HECW1: variants seen among roughly 807,000 people sequenced by gnomAD.
HECW1 encodes HECT, C2 and WW domain containing E3 ubiquitin protein ligase 1, also known as E3 ubiquitin-protein ligase HECW1.
Under a neutral mutation model 182.3 loss-of-function variants are expected in HECW1, and 61 were observed. The observed-to-expected ratio is 0.33, with a 90% CI of 0.27 to 0.41. The LOEUF (loss-of-function observed/expected upper bound fraction) is 0.41. Ranked by LOEUF, HECW1 falls within the 10% of genes least tolerant of loss-of-function variation. The probability of loss-of-function intolerance (pLI) is 1.00; values close to 1 mark genes in which losing one functional copy is unlikely to be tolerated. For synonymous variants in HECW1, 859 were observed against 832.6 expected (o/e 1.03, Z -0.55); for missense variants, 1,739 against 2,108.9 (o/e 0.82, Z 3.44).
intron 17 of HECW1, among the ~76,000 whole-genome samples, chr7:43,489,549 C>A: frequency 6.6e-6 from 1 of 152,214 alleles, no homozygotes; most frequent in East Asian, 1.9e-4. Context: ...GAGCTGAGAT[C>A]TAATGACATC....
At chr7:43,367,617 A>G (rs1816809827) in intron 6 of HECW1, among the ~76,000 whole-genome samples, 1 of 152,238 alleles carries the variant, frequency 6.6e-6, no homozygotes, top group African/African-American at 2.4e-5. Flanking sequence ...AGAATTACAT[A>G]CATGATTTAT....
intron 2 of HECW1, among the ~76,000 whole-genome samples, chr7:43,192,911 A>C (rs1462395662): frequency 6.6e-6 from 1 of 152,218 alleles, no homozygotes; most frequent in African/African-American, 2.4e-5. Context: ...TTTTTAAGAA[A>C]GTAAAGTCAT....
At chr7:43,306,602 G>C (rs1442366787) in intron 3 of HECW1, among the ~76,000 whole-genome samples, 1 of 151,926 alleles carries the variant, frequency 6.6e-6, no homozygotes, top group East Asian at 1.9e-4. Flanking sequence ...TACAATTTTT[G>C]ATTCCTTGGT....
chr7:43,286,544 G>T (rs1173693488), intron 3 of HECW1, among the ~76,000 whole-genome samples: 3 of 152,178 alleles, frequency 2.0e-5, no homozygotes, highest in Non-Finnish European at 2.9e-5. Flanking sequence ...TTTAGTAAAA[G>T]TGCTGGCAAA....
chr7:43,483,906 A>G (rs1157885489), intron 17 of HECW1, among the ~76,000 whole-genome samples: 1 of 152,162 alleles, frequency 6.6e-6, no homozygotes. Flanking sequence ...GGGCTGTGGC[A>G]AAGAGCTATT....
chr7:43,444,534 T>C lies in HECW1; in HGVS notation c.1362T>C (p.Ser454=). The change falls in exon 11 of 30, where the codon AGT becomes AGC. Residue 454 remains serine, a synonymous_variant. Transcript: ENST00000395891. The surrounding 1 kb of genome is among the most constrained non-coding windows in gnomAD (Gnocchi z 4.3). ...AAAAGGACATCCAGCCTGCCCCCAG[T>C]GCAGAAGAGCTGGCCGAGCAGCTGG... ...QVQKDIQPAP[S]AEELAEQLDL... The C allele has an allele frequency of 1.2e-6, 2 of 1,611,348 alleles. No individual in the cohort carries two copies. The highest frequency in any genetic ancestry group is 8.5e-7 in the Non-Finnish European group (1 of 1,178,944).
rs2078985493 is a variant in HECW1, at chr7:43,492,947, G to A, written c.3341-137G>A. Reference sequence around the variant, plus strand: ...ATATTTTAAAAACTCTCAAGAGCTTGCATTTTTTTGATGAGTATGCTGCCT... The same window carrying A: ...ATATTTTAAAAACTCTCAAGAGCTTACATTTTTTTGATGAGTATGCTGCCT... On this transcript the variant is annotated intron_variant, in intron 18 of 29. Transcript: ENST00000395891. 10 of 554,282 alleles carry A rather than the reference G, an allele frequency of 1.8e-5. No homozygotes were observed. The South Asian group carries it at 2.4e-4, about 13-fold the overall frequency. 34.3% of individuals were successfully genotyped at this position (554,282 alleles called of 1,614,324 possible).
intron 4 of HECW1, among the ~76,000 whole-genome samples, chr7:43,316,394 G>C (rs921623618): frequency 1.3e-5 from 2 of 152,162 alleles, no homozygotes; most frequent in African/African-American, 4.8e-5. Context: ...ATTTGCAATA[G>C]AGGGCCCTAT....
At position 43,269,938 on chromosome 7, in the gene HECW1, A is replaced by G. The variant is rs561819327; in HGVS notation, c.27+26006A>G. Among the ~76,000 whole-genome samples, 16 of 152,342 alleles carry G rather than the reference A, an allele frequency of 1.1e-4. 1 individual carries two copies. Among genetic ancestry groups the G allele is most frequent in the African/African-American group, 3.8e-4 (16 of 41,584 alleles). On this transcript the variant is annotated intron_variant, in intron 3 of 29. Transcript: ENST00000395891. Reference sequence around the variant, plus strand: ...CCATAACAAAGAATTATCTGGCTCAAAATGTAAAACAAGGTTGAGAAGCCG... The same window carrying G: ...CCATAACAAAGAATTATCTGGCTCAGAATGTAAAACAAGGTTGAGAAGCCG...
intron 2 of HECW1, among the ~76,000 whole-genome samples, chr7:43,195,480 T>A (rs542041051): frequency 2.6e-5 from 4 of 152,250 alleles, no homozygotes; most frequent in African/African-American, 9.6e-5. Flanking sequence ...GAACGACCAG[T>A]AGCCCTCCCT....
At chr7:43,184,539 G>T (rs1439172369) in intron 2 of HECW1, among the ~76,000 whole-genome samples, 1 of 152,120 alleles carries the variant, frequency 6.6e-6, no homozygotes, top group Non-Finnish European at 1.5e-5. Context: ...CTGGTGGCTG[G>T]ACGTCCCTAG....
At chr7:43,426,622 T>C (rs770105393) in intron 8 of HECW1, among the ~76,000 whole-genome samples, 3 of 152,228 alleles carry the variant, frequency 2.0e-5, no homozygotes, top group Non-Finnish European at 4.4e-5. Flanking sequence ...AAAGATGTCT[T>C]ATCCTTAGAA....
At chr7:43,390,430 A>T (rs565447500) in intron 6 of HECW1, among the ~76,000 whole-genome samples, 157 of 151,862 alleles carry the variant, frequency 1.0e-3, no homozygotes, top group Non-Finnish European at 1.9e-3. Context: ...AGTCCCAGCT[A>T]CCCAGGAGTC....
intron 6 of HECW1, among the ~76,000 whole-genome samples, chr7:43,389,249 C>T (rs977029152): frequency 7.2e-5 from 11 of 152,192 alleles, no homozygotes; most frequent in Admixed American, 5.9e-4. Flanking sequence ...GTCCCTCCAC[C>T]GCCAGCGTCA....
At chr7:43,241,809 A>T (rs1381124287) in intron 2 of HECW1, among the ~76,000 whole-genome samples, 2 of 152,160 alleles carry the variant, frequency 1.3e-5, no homozygotes, top group African/African-American at 4.8e-5. Flanking sequence ...ATACATAAAC[A>T]GTTCATTAGA....
At chr7:43,169,690 C>CTTTTTTTTTTTTTTTTTTTTTTTTTTTT (rs374141328) in intron 2 of HECW1, among the ~76,000 whole-genome samples, 1 of 113,480 alleles carries the variant, frequency 8.8e-6, no homozygotes, top group African/African-American at 3.4e-5. Context: ...TTTTTCTTTT[C>CTTTTTTTTTTTTTTTTTTTTTTTTTTTT]TTTTTTTTTT....
chr7:43,302,928 C>T (rs1807024871), intron 3 of HECW1, among the ~76,000 whole-genome samples: 1 of 152,142 alleles, frequency 6.6e-6, no homozygotes, highest in African/African-American at 2.4e-5. Flanking sequence ...ACCACACACA[C>T]CCACACACGT....
intron 3 of HECW1, among the ~76,000 whole-genome samples, chr7:43,285,196 T>C (rs1158982378): frequency 6.6e-6 from 1 of 152,084 alleles, no homozygotes; most frequent in African/African-American, 2.4e-5. Context: ...ATGGAACAGG[T>C]TGTTGTGAGA....
intron 14 of HECW1, among the ~76,000 whole-genome samples, chr7:43,464,350 G>A (rs73098732): frequency 0.16 from 23,904 of 152,128 alleles, 1,962 homozygotes; most frequent in South Asian, 0.23. Context: ...GGAGTGAAGA[G>A]GTTTTCCAGC....
Sources: gnomAD v4.1 joint callset for allele counts (sites outside exome capture counted in the v4.1 genomes callset) on GRCh38, gnomAD v4.1.1 for gene constraint, Gnocchi (gnomAD v3.1) non-coding constraint, MANE v1.5 for transcripts, NCBI Gene and HGNC (gene_info 2026-07-23, HGNC 2026-07-21) for gene names.